Variants in HRH2 observed in about 807,000 individuals in gnomAD.
HRH2 encodes histamine receptor H2.
Under a neutral mutation model 20.1 loss-of-function variants are expected in HRH2, and 4 were observed. That is an observed-to-expected ratio of 0.20 (90% CI 0.10 to 0.45). The LOEUF (loss-of-function observed/expected upper bound fraction) is 0.45, where lower values mean the gene tolerates loss of function less well. Ranked by LOEUF, HRH2 falls within the 20% of genes least tolerant of loss-of-function variation. HRH2 has a pLI of 0.99. For synonymous variants in HRH2, 197 were observed against 200.7 expected (o/e 0.98, Z 0.16); for missense variants, 250 against 461.6 (o/e 0.54, Z 4.20).
At chr5:175,680,051 A>G (rs1438191397) in intron 1 of HRH2, among the ~76,000 whole-genome samples, 1 of 152,172 alleles carries the variant, frequency 6.6e-6, no homozygotes, top group Non-Finnish European at 1.5e-5. Context: ...TTTACTATGC[A>G]TGGTATCGCT....
chr5:175,673,226 A>C (rs959643166), intron 1 of HRH2, among the ~76,000 whole-genome samples: 6 of 151,882 alleles, frequency 4.0e-5, no homozygotes, highest in Admixed American at 2.0e-4. Flanking sequence ...TGCAAAGGAG[A>C]GTAGATGTGT....
chr5:175,697,130 C>T (rs1756618670), intron 2 of HRH2, among the ~76,000 whole-genome samples: 1 of 152,184 alleles, frequency 6.6e-6, no homozygotes, highest in Admixed American at 6.5e-5. Flanking sequence ...TGCTCAAAGA[C>T]AGTGCTGAGT....
At chr5:175,688,688 G>C (rs1006164913) in intron 2 of HRH2, among the ~76,000 whole-genome samples, 1 of 152,216 alleles carries the variant, frequency 6.6e-6, no homozygotes, top group Non-Finnish European at 1.5e-5. Flanking sequence ...ACGAAATGCT[G>C]TCTGGATTTG....
At chr5:175,699,970 G>T (rs1187804011) in intron 2 of HRH2, among the ~76,000 whole-genome samples, 1 of 152,164 alleles carries the variant, frequency 6.6e-6, no homozygotes, top group Admixed American at 6.5e-5. Context: ...TCATCTCATG[G>T]CTCTGACAGC....
At chr5:175,685,827 A>G in intron 2 of HRH2, 1 of 306,430 alleles carries the variant, frequency 3.3e-6, no homozygotes, top group Non-Finnish European at 6.0e-6. Context: ...ACTCAAGAAA[A>G]GCTTGCGTGG....
chr5:175,697,229 C>T (rs1756623328), intron 2 of HRH2, among the ~76,000 whole-genome samples: 1 of 151,922 alleles, frequency 6.6e-6, no homozygotes, highest in Non-Finnish European at 1.5e-5. Context: ...TTTGGCAGGC[C>T]GAGGCGGGCG....
rs375838376 is a variant in HRH2, at chr5:175,663,284, C to T, written c.-526+5129C>T. On this transcript the variant is annotated intron_variant, in intron 1 of 2. Coordinates refer to ENST00000636584, the MANE Select transcript of HRH2 (RefSeq NM_001367711.1). ...AAAGAGGTTGCACTGTCTTACATTC[C>T]CACCAGCAGTGCACGGAGGTCCCAG... Among the ~76,000 whole-genome samples the T allele has an allele frequency of 2.6e-5, 4 of 152,164 alleles. No homozygotes were observed. The East Asian group carries it at 7.7e-4, about 29-fold the overall frequency.
At chr5:175,695,693 AC>A in intron 2 of HRH2, among the ~76,000 whole-genome samples, 1 of 152,292 alleles carries the variant, frequency 6.6e-6, no homozygotes, top group Admixed American at 6.5e-5. Context: ...AGTTCCTCGA[AC>A]CCACATCAGC....
At chr5:175,672,589 T>C (rs1755587558) in intron 1 of HRH2, among the ~76,000 whole-genome samples, 1 of 152,156 alleles carries the variant, frequency 6.6e-6, no homozygotes, top group Admixed American at 6.5e-5. Context: ...ACCCAATAAA[T>C]GGGATATGAT....
chr5:175,663,897 C>T (rs916683234), intron 1 of HRH2, among the ~76,000 whole-genome samples: 5 of 152,226 alleles, frequency 3.3e-5, no homozygotes, highest in Admixed American at 3.3e-4. Flanking sequence ...CCTCAGCTGC[C>T]CCATCTGAAA....
chr5:175,658,382 G>A (rs1762629190), intron 1 of HRH2, among the ~76,000 whole-genome samples: 1 of 152,164 alleles, frequency 6.6e-6, no homozygotes, highest in African/African-American at 2.4e-5. Context: ...TTCCTTGTCT[G>A]TGACCGCGGG....
chr5:175,684,364 TG>T, intron 2 of HRH2, 55 bp downstream of exon 2: 1 of 1,574,306 alleles, frequency 6.4e-7, no homozygotes, highest in Non-Finnish European at 8.6e-7. Context: ...GGGATGCTAC[TG>T]ATGGGAATGA....
intron 2 of HRH2, among the ~76,000 whole-genome samples, chr5:175,701,646 T>TC (rs1383190788): frequency 6.6e-6 from 1 of 152,084 alleles, no homozygotes; most frequent in Non-Finnish European, 1.5e-5. Context: ...CATGTGTCTA[T>TC]CCCTCAACCA....
At chr5:175,707,646 C>T (rs1756984478) in intron 2 of HRH2, 133 bp from the exon 3 acceptor site, 1 of 150,760 alleles carries the variant, frequency 6.6e-6, no homozygotes, top group Admixed American at 6.6e-5. Context: ...AGGGCGGTTC[C>T]CCTCCCCTCC....
intron 2 of HRH2, among the ~76,000 whole-genome samples, chr5:175,703,320 G>T (rs1756849175): frequency 1.3e-5 from 2 of 152,116 alleles, no homozygotes; most frequent in Non-Finnish European, 2.9e-5. Flanking sequence ...TTTTTTAATA[G>T]ATCATGGGAT....
intron 2 of HRH2, among the ~76,000 whole-genome samples, chr5:175,700,585 G>C (rs2113557969): frequency 6.6e-6 from 1 of 152,224 alleles, no homozygotes; most frequent in Admixed American, 6.5e-5. Context: ...ATACTGAACA[G>C]AATATTGAAA....
At chr5:175,666,344 A>G (rs1206357713) in intron 1 of HRH2, among the ~76,000 whole-genome samples, 3 of 152,186 alleles carry the variant, frequency 2.0e-5, no homozygotes, top group African/African-American at 7.2e-5. Context: ...AGCCCCTCTC[A>G]GTCACAGCAC....
Position 175,686,256 on chromosome 5 carries a change from C to G in HRH2, c.1076+1947C>G, listed in dbSNP as rs940447440. On this transcript the variant is annotated intron_variant, in intron 2 of 2. Coordinates refer to ENST00000636584, the MANE Select transcript of HRH2 (RefSeq NM_001367711.1). The surrounding 1 kb of genome is among the most constrained non-coding windows in gnomAD (Gnocchi z 4.7). ...GTTCAGCTAGAAGGTGGTTGCCACT[C>G]TTGGGTTTAGTCTTGTATATCACTT... The G allele has an allele frequency of 6.6e-6, 1 of 152,214 alleles. No individual in the cohort carries two copies. The highest frequency in any genetic ancestry group is 1.5e-5 in the Non-Finnish European group (1 of 68,036). 9.4% of individuals were successfully genotyped at this position (152,214 alleles called of 1,614,324 possible).
At chr5:175,706,523 C>T (rs1384473447) in intron 2 of HRH2, among the ~76,000 whole-genome samples, 2 of 152,138 alleles carry the variant, frequency 1.3e-5, no homozygotes, top group South Asian at 4.1e-4. Flanking sequence ...ATAATTTCAC[C>T]GAGTGCAATG....
Sources: gnomAD v4.1 joint callset for allele counts (sites outside exome capture counted in the v4.1 genomes callset) on GRCh38, gnomAD v4.1.1 for gene constraint, Gnocchi (gnomAD v3.1) non-coding constraint, MANE v1.5 for transcripts, NCBI Gene and HGNC (gene_info 2026-07-23, HGNC 2026-07-21) for gene names.